The following RANBP3 variants were observed in gnomAD, a reference collection of about 807,000 sequenced individuals.
The protein encoded by RANBP3 is RAN binding protein 3.
Under a neutral mutation model 77.3 loss-of-function variants are expected in RANBP3, and 14 were observed. That is an observed-to-expected ratio of 0.18 (90% CI 0.12 to 0.28). The LOEUF is 0.28. Ranked by LOEUF, RANBP3 falls within the 10% of genes least tolerant of loss-of-function variation. The pLI, the probability that RANBP3 is intolerant of heterozygous loss-of-function variation, is 1.00. For synonymous variants in RANBP3, 315 were observed against 312.4 expected (o/e 1.01, Z -0.09); for missense variants, 586 against 752.3 (o/e 0.78, Z 2.59).
chr19:5,939,062 G>T (rs1016442539), intron 5 of RANBP3, among the ~76,000 whole-genome samples: 1 of 152,032 alleles, frequency 6.6e-6, no homozygotes, highest in African/African-American at 2.4e-5. Flanking sequence ...GTGTGCGCCT[G>T]TAATCCCAGC....
intron 1 of RANBP3, among the ~76,000 whole-genome samples, chr19:5,962,927 C>T (rs1174886409): frequency 6.6e-6 from 1 of 152,124 alleles, no homozygotes; most frequent in Non-Finnish European, 1.5e-5. Context: ...GAGGAAGCAG[C>T]GTGTGAACAC....
At chr19:5,935,137 C>T (rs2058046432) in intron 5 of RANBP3, among the ~76,000 whole-genome samples, 1 of 152,226 alleles carries the variant, frequency 6.6e-6, no homozygotes, top group Admixed American at 6.5e-5. Flanking sequence ...ACCTTGTCAG[C>T]CCAAATTTTC....
At chr19:5,974,219 C>G (rs1319396582) in intron 1 of RANBP3, 5 of 152,348 alleles carry the variant, frequency 3.3e-5, no homozygotes, top group African/African-American at 1.2e-4. Flanking sequence ...TCAACTGCAC[C>G]ACACAAAGGT....
chr19:5,969,916 A>T (rs2058511249), intron 1 of RANBP3, among the ~76,000 whole-genome samples: 1 of 152,264 alleles, frequency 6.6e-6, no homozygotes, highest in Non-Finnish European at 1.5e-5. Context: ...ATAGAAAAAT[A>T]AGGTTGGGAG....
At chr19:5,941,924 TGCACCACGG>T in intron 3 of RANBP3, 89 bp from the exon 4 acceptor site, 2 of 1,459,432 alleles carry the variant, frequency 1.4e-6, no homozygotes, top group Non-Finnish European at 1.9e-6. Flanking sequence ...TATCCCAACA[TGCACCACGG>T]GCAGCTAGTT....
At chr19:5,961,142 A>G (rs2058394893) in intron 1 of RANBP3, among the ~76,000 whole-genome samples, 1 of 152,088 alleles carries the variant, frequency 6.6e-6, no homozygotes, top group African/African-American at 2.4e-5. Flanking sequence ...CATGAAACAC[A>G]CACTTAAAAC....
intron 1 of RANBP3, among the ~76,000 whole-genome samples, chr19:5,967,384 C>G (rs2058480301): frequency 6.6e-6 from 1 of 152,204 alleles, no homozygotes; most frequent in East Asian, 1.9e-4. Context: ...AGCCAACTTC[C>G]AACCACTCTC....
At chr19:5,929,188 T>G (rs1301462457) in intron 8 of RANBP3, among the ~76,000 whole-genome samples, 1 of 152,224 alleles carries the variant, frequency 6.6e-6, no homozygotes, top group African/African-American at 2.4e-5. Flanking sequence ...TCTACTGTGC[T>G]CCCTAGAAAT....
intron 1 of RANBP3, among the ~76,000 whole-genome samples, chr19:5,960,743 C>T (rs560956901): frequency 2.0e-5 from 3 of 152,160 alleles, no homozygotes; most frequent in Non-Finnish European, 4.4e-5. Context: ...TGCAGGTGCA[C>T]GGAAGGGACT....
At chr19:5,928,447 G>C (rs113238291) in intron 8 of RANBP3, 2,356 of 159,340 alleles carry the variant, frequency 0.015, 36 homozygotes, top group South Asian at 0.036. Context: ...GGGAAAAAAA[G>C]TACAGCACAG....
chr19:5,945,302 T>A (rs1315262693), intron 3 of RANBP3, among the ~76,000 whole-genome samples: 1 of 152,228 alleles, frequency 6.6e-6, no homozygotes, highest in Non-Finnish European at 1.5e-5. Flanking sequence ...TCTCCTGACA[T>A]CTCCACACCT....
Position 5,958,798 on chromosome 19 carries a change from G to A in RANBP3, c.23-825C>T, listed in dbSNP as rs2058365891. Among the ~76,000 whole-genome samples the A allele has an allele frequency of 6.6e-6, 1 of 152,252 alleles. No homozygotes were observed. The highest frequency in any genetic ancestry group is 2.4e-5 in the African/African-American group (1 of 41,464). ...GCCTGCATGCACTTTGATGAACTCTGGGGGTGCTCCCAGGGCCTCTTTCAC... is the reference window on the plus strand; with the variant it reads ...GCCTGCATGCACTTTGATGAACTCTAGGGGTGCTCCCAGGGCCTCTTTCAC... On this transcript the variant is annotated intron_variant, in intron 1 of 16. Transcript: ENST00000340578. This position sits in a 1 kb window ranked among gnomAD's most constrained non-coding sequence, Gnocchi z 4.4.
intron 1 of RANBP3, 121 bp downstream of exon 1, chr19:5,977,940 C>A: frequency 7.6e-7 from 1 of 1,322,644 alleles, no homozygotes; most frequent in South Asian, 1.5e-5. Flanking sequence ...CGCCACGGCG[C>A]TAGCCTGGAG....
At chr19:5,947,324 A>AG (rs991946705) in intron 3 of RANBP3, among the ~76,000 whole-genome samples, 1 of 151,614 alleles carries the variant, frequency 6.6e-6, no homozygotes, top group African/African-American at 2.4e-5. Context: ...AAAAAAAAAA[A>AG]AAAAGAAAGA....
intron 1 of RANBP3, chr19:5,962,763 G>T (rs1051502456): frequency 1.3e-5 from 6 of 455,908 alleles, no homozygotes; most frequent in African/African-American, 1.2e-4. Flanking sequence ...CAGGCCAAAG[G>T]TTGATCAACT....
chr19:5,935,343 TA>T (rs1175240377), intron 5 of RANBP3, among the ~76,000 whole-genome samples: 2 of 152,144 alleles, frequency 1.3e-5, no homozygotes, highest in Non-Finnish European at 2.9e-5. Flanking sequence ...AGACTGGTCA[TA>T]AAAAAACAAA....
intron 6 of RANBP3, chr19:5,932,797 G>T (rs1220687486): frequency 1.4e-5 from 7 of 496,884 alleles, no homozygotes; most frequent in African/African-American, 4.0e-5. Context: ...CAGTAACGTG[G>T]CGGGGCGCCG....
intron 5 of RANBP3, among the ~76,000 whole-genome samples, chr19:5,940,998 A>G (rs2058128405): frequency 6.6e-6 from 1 of 152,244 alleles, no homozygotes; most frequent in South Asian, 2.1e-4. Context: ...GCCTGTGCTC[A>G]GACCAGGCCT....
chr19:5,960,569 A>T (rs1450002711), intron 1 of RANBP3, among the ~76,000 whole-genome samples: 1 of 152,170 alleles, frequency 6.6e-6, no homozygotes, highest in African/African-American at 2.4e-5. Flanking sequence ...GGCACACTTT[A>T]TGGATTCAAC....
Sources: allele counts gnomAD v4.1 joint callset (sites outside exome capture counted in the v4.1 genomes callset), GRCh38; gene constraint gnomAD v4.1.1; non-coding constraint Gnocchi (gnomAD v3.1); transcripts MANE v1.5; gene names NCBI Gene and HGNC (gene_info 2026-07-23, HGNC 2026-07-21).